The following INTU variants were observed in gnomAD, a reference collection of about 807,000 sequenced individuals.
The protein encoded by INTU is inturned planar cell polarity protein, also known as protein inturned.
A neutral mutation model predicts 100.5 loss-of-function variants in INTU; 68 were observed. That is an observed-to-expected ratio of 0.68 (90% CI 0.56 to 0.83). The LOEUF (loss-of-function observed/expected upper bound fraction) is 0.83, where lower values mean the gene tolerates loss of function less well. Ranked by LOEUF, INTU falls within the 40% of genes least tolerant of loss-of-function variation. The pLI is 0.00. For synonymous variants in INTU, 357 were observed against 395.7 expected, an observed-to-expected ratio of 0.90 and a Z score of 1.16; for missense variants, 1,071 against 1,114.7, an observed-to-expected ratio of 0.96 and a Z score of 0.56.
At chr4:127,690,157 A>G (rs1044879765) in intron 8 of INTU, among the ~76,000 whole-genome samples, 24 of 152,176 alleles carry the variant, frequency 1.6e-4, no homozygotes, top group Admixed American at 8.5e-4. Flanking sequence ...AGTATTGTCT[A>G]TTTGGGGCTT....
intron 8 of INTU, among the ~76,000 whole-genome samples, chr4:127,696,133 T>TACTG (rs779929079): frequency 6.6e-5 from 10 of 152,200 alleles, no homozygotes; most frequent in South Asian, 6.2e-4. Flanking sequence ...TCTTGAAAGA[T>TACTG]ACTGGCCTGT....
chr4:127,711,498 T>C (rs1053834338), intron 14 of INTU, among the ~76,000 whole-genome samples: 1 of 152,262 alleles, frequency 6.6e-6, no homozygotes, highest in East Asian at 1.9e-4. Context: ...TTTTGGAATA[T>C]AATGGATTAA....
At chr4:127,707,430 AATAAG>A (rs1730934739) in intron 12 of INTU, among the ~76,000 whole-genome samples, 2 of 151,140 alleles carry the variant, frequency 1.3e-5, no homozygotes, top group South Asian at 4.2e-4. Flanking sequence ...AATATCAAAT[AATAAG>A]ATAAGAACCC....
At chr4:127,692,170 C>G (rs1730176377) in intron 8 of INTU, among the ~76,000 whole-genome samples, 1 of 151,744 alleles carries the variant, frequency 6.6e-6, no homozygotes, top group African/African-American at 2.4e-5. Context: ...TAAGGAATCT[C>G]CACAATGTTT....
intron 3 of INTU, among the ~76,000 whole-genome samples, chr4:127,660,266 A>C (rs1188982219): frequency 6.6e-6 from 1 of 152,170 alleles, no homozygotes; most frequent in Admixed American, 6.5e-5. Flanking sequence ...GAAGCCTTCC[A>C]AGTTTTGTCT....
chr4:127,637,489 T>C (rs185147576), intron 1 of INTU, among the ~76,000 whole-genome samples: 2 of 152,332 alleles, frequency 1.3e-5, no homozygotes, highest in East Asian at 1.9e-4. Context: ...TTATGTACTT[T>C]GTTGTCTCTG....
In INTU at chr4:127,706,632, G is replaced by A. The variant is rs758939107; in HGVS notation, c.1934G>A (p.Arg645Gln). Residue 645 changes from arginine to glutamine, a missense_variant, in exon 12 of 16, where the codon CGG becomes CAG. Coordinates refer to ENST00000335251, the MANE Select transcript of INTU (RefSeq NM_015693.4). ...LDGVDSRIDE[R>Q]LASSPVPCLS... ...GGAGTAGATTCTCGCATAGATGAAC[G>A]GCTAGCATCTTCTCCAGTCCCCTGT... is the stretch of plus-strand genomic sequence containing the variant. 1.7e-5 allele frequency: 27 copies of A among 1,613,912 alleles called. No homozygotes were observed. The highest frequency in any genetic ancestry group is 4.4e-5 in the South Asian group (4 of 91,082).
In INTU at chr4:127,644,046, G is replaced by T. The variant is rs937963325; in HGVS notation, c.672G>T (p.Gln224His). The T allele has an allele frequency of 1.2e-6, 2 of 1,611,256 alleles. No individual in the cohort carries two copies. The highest frequency in any genetic ancestry group is 1.7e-6 in the Non-Finnish European group (2 of 1,177,904). ...GGGGATCTGCTATGAAGAGCGGTCA[G>T]GTACTCATTGGTAAGTGTTGCTGGT... is the stretch of plus-strand genomic sequence containing the variant. ...LPGGSAMKSG[Q>H]VLIGDVLVAV... Residue 224 changes from glutamine (Q) to histidine (H), a missense_variant, in exon 2 of 16, where the codon CAG becomes CAT. By Grantham distance (24) the Gln-to-His change is conservative (BLOSUM62 0). Transcript: ENST00000335251.
At chr4:127,708,996 G>T (rs1309191079) in intron 13 of INTU, among the ~76,000 whole-genome samples, 1 of 152,064 alleles carries the variant, frequency 6.6e-6, no homozygotes. Flanking sequence ...GGATGCAGTG[G>T]TGTGCTGTCC....
chr4:127,713,833 G>A (rs1731171642), intron 14 of INTU, 103 bp from the exon 15 acceptor site: 1 of 728,916 alleles, frequency 1.4e-6, no homozygotes, highest in Non-Finnish European at 2.2e-6. Flanking sequence ...GTCATTGCAG[G>A]CACTGAAGTA....
chr4:127,713,926 T>C lies in INTU; in HGVS notation c.2560-10T>C, dbSNP rs765233526. The C allele has an allele frequency of 1.3e-6, 2 of 1,576,818 alleles. No homozygotes were observed. The highest frequency in any genetic ancestry group is 1.7e-5 in the Admixed American group (1 of 57,556). Reference sequence around the variant, plus strand: ...ACCAGTTAATACTAACAATACCTATTAATTTACAGAAAAAGAAAGGACTAA... The same window carrying C: ...ACCAGTTAATACTAACAATACCTATCAATTTACAGAAAAAGAAAGGACTAA... On this transcript the variant is annotated splice_polypyrimidine_tract_variant and intron_variant, in intron 14 of 15. Transcript: ENST00000335251.
chr4:127,683,092 T>C (rs552917554), intron 6 of INTU, among the ~76,000 whole-genome samples: 13 of 152,298 alleles, frequency 8.5e-5, no homozygotes, highest in Non-Finnish European at 1.6e-4. Context: ...ACTGCTGAGC[T>C]CTGGACCAAG....
chr4:127,634,390 G>A (rs1434337445), intron 1 of INTU, among the ~76,000 whole-genome samples: 2 of 152,114 alleles, frequency 1.3e-5, no homozygotes, highest in Non-Finnish European at 2.9e-5. Context: ...CATACTTTTA[G>A]CCCAGAAAGA....
At chr4:127,645,549 T>G (rs1395344600) in intron 2 of INTU, among the ~76,000 whole-genome samples, 1 of 151,612 alleles carries the variant, frequency 6.6e-6, no homozygotes, top group African/African-American at 2.4e-5. Flanking sequence ...TTTTTATTTT[T>G]TATTTTATTT....
intron 2 of INTU, among the ~76,000 whole-genome samples, chr4:127,644,758 T>C (rs1328950270): frequency 6.6e-6 from 1 of 152,242 alleles, no homozygotes; most frequent in Non-Finnish European, 1.5e-5. Flanking sequence ...GATATATTAT[T>C]ACTAAAATTT....
intron 13 of INTU, among the ~76,000 whole-genome samples, chr4:127,710,172 G>C (rs1731042656): frequency 6.6e-6 from 1 of 152,016 alleles, no homozygotes; most frequent in Non-Finnish European, 1.5e-5. Context: ...TTCACATGTG[G>C]TGTAAATCAT....
intron 8 of INTU, among the ~76,000 whole-genome samples, chr4:127,696,316 C>T (rs1052274738): frequency 6.6e-6 from 1 of 152,212 alleles, no homozygotes; most frequent in South Asian, 2.1e-4. Context: ...CCAGTCTACC[C>T]ATCTGGGCCT....
In INTU at chr4:127,705,784, GA is replaced by G. The variant is rs1472195556; in HGVS notation, c.1762del (p.Arg588AspfsTer5). On this transcript the variant is annotated frameshift_variant, in exon 11 of 16. Transcript: ENST00000335251. LOFTEE classifies it high-confidence loss of function. ...SSTEVFPEPE[G>X]RYFLLVVGLK... is the part of the protein sequence containing the mutation. ...ACTGAAGTCTTTCCGGAACCTGAAG[GA>G]AGATATTTTTTGCTAGTTGTTGGCT... The G allele has an allele frequency of 6.2e-7, 1 of 1,613,954 alleles. No individual in the cohort carries two copies. The highest frequency in any genetic ancestry group is 1.1e-5 in the South Asian group (1 of 91,054).
chr4:127,668,562 A>G (rs1728791895), intron 4 of INTU, among the ~76,000 whole-genome samples: 1 of 151,790 alleles, frequency 6.6e-6, no homozygotes, highest in Non-Finnish European at 1.5e-5. Flanking sequence ...TGATTTCACC[A>G]AAAATGTTGA....
Sources: allele counts gnomAD v4.1 joint callset (sites outside exome capture counted in the v4.1 genomes callset), GRCh38; gene constraint gnomAD v4.1.1; transcripts MANE v1.5; gene names NCBI Gene and HGNC (gene_info 2026-07-23, HGNC 2026-07-21).